HEPHL1: variants seen among roughly 807,000 people sequenced by gnomAD.
HEPHL1 encodes the protein hephaestin like 1.
HEPHL1 carries 123 observed loss-of-function variants against 122.0 expected under a neutral mutation model. The ratio of observed to expected loss-of-function variants is 1.01; its 90% CI spans 0.87 to 1.17. The LOEUF is 1.17. Among genes scored for constraint, HEPHL1 ranks in the 50% most tolerant of loss-of-function variants. The pLI is 0.00. For missense variants in HEPHL1, 1,452 were observed against 1,430.5 expected (o/e 1.01, Z -0.24); for synonymous variants, 527 against 508.9 (o/e 1.04, Z -0.48).
At chr11:94,053,633 A>G (rs542856162) in intron 2 of HEPHL1, among the ~76,000 whole-genome samples, 3 of 152,116 alleles carry the variant, frequency 2.0e-5, no homozygotes, top group African/African-American at 4.8e-5. Context: ...CCTGTATCTC[A>G]TAAATTTTGA....
At chr11:94,032,674 C>A (rs1338612927) in intron 1 of HEPHL1, among the ~76,000 whole-genome samples, 4 of 151,996 alleles carry the variant, frequency 2.6e-5, no homozygotes, top group African/African-American at 7.3e-5. Context: ...GTCAGGTAAC[C>A]ACCAGGTGAT....
chr11:94,058,552 G>A (rs1050779636), intron 2 of HEPHL1, among the ~76,000 whole-genome samples: 7 of 152,042 alleles, frequency 4.6e-5, no homozygotes, highest in Admixed American at 1.3e-4. Flanking sequence ...TTGAGCGGGT[G>A]GGGCTAACAT....
In HEPHL1 at chr11:94,066,012, G is replaced by A. The variant is rs1384580289; in HGVS notation, c.809-1484G>A. On this transcript the variant is annotated intron_variant, in intron 4 of 19. Coordinates refer to ENST00000315765, the MANE Select transcript of HEPHL1 (RefSeq NM_001098672.2). ...CAGCCTGGGCAACATAGGTAGATCC[G>A]TTATCTACAAAAAATTCAAACAAAC... is the stretch of plus-strand genomic sequence containing the variant. Among the ~76,000 whole-genome samples, 5 of 151,994 alleles carry A rather than the reference G, an allele frequency of 3.3e-5. No individual in the cohort carries two copies. In the East Asian group the frequency reaches 5.8e-4, roughly 18 times the overall value.
chr11:94,099,667 C>G (rs1317429077), intron 13 of HEPHL1, among the ~76,000 whole-genome samples: 1 of 152,134 alleles, frequency 6.6e-6, no homozygotes, highest in Non-Finnish European at 1.5e-5. Flanking sequence ...CCACCCAGTT[C>G]GAGCTTCCCA....
chr11:94,064,730 G>A (rs1383446908), intron 4 of HEPHL1, among the ~76,000 whole-genome samples: 1 of 152,194 alleles, frequency 6.6e-6, no homozygotes. Context: ...GGCATGCAGT[G>A]TGGACAAAGC....
rs189752483 is a variant in HEPHL1, at chr11:94,112,052, G to T, written c.*158G>T. 204 of 479,608 alleles carry T rather than the reference G, an allele frequency of 4.3e-4. No individual in the cohort carries two copies. The highest frequency in any genetic ancestry group is 7.1e-4 in the Admixed American group (22 of 31,196). 29.7% of individuals were successfully genotyped at this position (479,608 alleles called of 1,614,324 possible). ...TCTCAAACATCATCCAAAGCAATTTGCTTTTATTTATTTATTTTTAAATGG... is the reference window on the plus strand; with the variant it reads ...TCTCAAACATCATCCAAAGCAATTTTCTTTTATTTATTTATTTTTAAATGG... On this transcript the variant is annotated 3_prime_UTR_variant, in exon 20 of 20. Coordinates refer to ENST00000315765, the MANE Select transcript of HEPHL1 (RefSeq NM_001098672.2).
At chr11:94,053,595 C>A (rs1945909970) in intron 2 of HEPHL1, among the ~76,000 whole-genome samples, 1 of 151,876 alleles carries the variant, frequency 6.6e-6, no homozygotes, top group Non-Finnish European at 1.5e-5. Context: ...GACTTAAAAT[C>A]TAAATTTCCT....
At chr11:94,054,099 G>T (rs2134421046) in intron 2 of HEPHL1, among the ~76,000 whole-genome samples, 1 of 152,098 alleles carries the variant, frequency 6.6e-6, no homozygotes, top group East Asian at 1.9e-4. Flanking sequence ...TCTTTTTTTG[G>T]GGAAGGTCTG....
At position 94,073,350 on chromosome 11, in the gene HEPHL1, C is replaced by A; in HGVS notation, c.1415C>A (p.Thr472Asn). ...KAEVGDTLLV[T>N]FANKADKVYS... ...GAGGTGGGTGATACCCTGTTAGTGA[C>A]CTTTGCCAACAAAGCCGACAAGGTC... The change falls in exon 8 of 20, where the codon ACC becomes AAC. Residue 472 changes from threonine to asparagine, a missense_variant. Thr to Asn is a moderately conservative substitution (Grantham distance 65). Transcript: ENST00000315765. The A allele has an allele frequency of 6.2e-7, 1 of 1,604,134 alleles. No homozygotes were observed. Among genetic ancestry groups the A allele is most frequent in the Non-Finnish European group, 8.5e-7 (1 of 1,174,956 alleles).
At chr11:94,105,145 T>C (rs1946398715) in intron 16 of HEPHL1, among the ~76,000 whole-genome samples, 1 of 152,240 alleles carries the variant, frequency 6.6e-6, no homozygotes, top group African/African-American at 2.4e-5. Context: ...AAATTTCTGT[T>C]TTAATGTATC....
At chr11:94,086,770 C>T (rs1946221896) in intron 11 of HEPHL1, among the ~76,000 whole-genome samples, 1 of 152,192 alleles carries the variant, frequency 6.6e-6, no homozygotes, top group Admixed American at 6.5e-5. Context: ...AACTTCTTCT[C>T]TTAGAGATTC....
chr11:94,099,522 C>T (rs914673500), intron 13 of HEPHL1, among the ~76,000 whole-genome samples: 1 of 152,144 alleles, frequency 6.6e-6, no homozygotes, highest in Non-Finnish European at 1.5e-5. Flanking sequence ...CTGGGAGAAC[C>T]ACTACTCTCT....
At position 94,046,180 on chromosome 11, in the gene HEPHL1, C is replaced by T. The variant is rs527858580; in HGVS notation, c.415+263C>T. Reference sequence around the variant, plus strand: ...CATGATATCAGCTCACTGCAACCTCCGTCTCCCTGGTTCAGGATATTCTCC... The same window carrying T: ...CATGATATCAGCTCACTGCAACCTCTGTCTCCCTGGTTCAGGATATTCTCC... On this transcript the variant is annotated intron_variant, in intron 2 of 19. Transcript: ENST00000315765. Among the ~76,000 whole-genome samples, 244 of 139,684 alleles carry T rather than the reference C, an allele frequency of 1.7e-3. 1 individual carries two copies. The highest frequency in any genetic ancestry group is 3.8e-3 in the Middle Eastern group (1 of 264). The allele number at this position is 139,684 out of a possible 152,430, so 91.6% of individuals were successfully genotyped here. A position where few individuals can be genotyped will look rare whatever the true frequency, so the allele number is the denominator to read the frequency against.
intron 14 of HEPHL1, among the ~76,000 whole-genome samples, chr11:94,101,815 C>A (rs1305312750): frequency 2.0e-5 from 3 of 152,180 alleles, no homozygotes; most frequent in Admixed American, 6.5e-5. Flanking sequence ...GTCTCCATAG[C>A]TGTTCTTACA....
rs1355809880 is a variant in HEPHL1, at chr11:94,088,975, C to T, written c.2294+7C>T. The T allele has an allele frequency of 1.2e-6, 2 of 1,613,410 alleles. No individual in the cohort carries two copies. Among genetic ancestry groups the T allele is most frequent in the Admixed American group, 3.3e-5 (2 of 60,016 alleles). On this transcript the variant is annotated splice_region_variant and intron_variant, in intron 12 of 19. Coordinates refer to ENST00000315765, the MANE Select transcript of HEPHL1 (RefSeq NM_001098672.2). Reference sequence around the variant, plus strand: ...TGGACGCAAGAGGGGAAAGGTACCACAGGCGCCGCCGCTAGGGCTCCTCGG... The same window carrying T: ...TGGACGCAAGAGGGGAAAGGTACCATAGGCGCCGCCGCTAGGGCTCCTCGG...
intron 2 of HEPHL1, among the ~76,000 whole-genome samples, chr11:94,057,231 T>C (rs190582565): frequency 1.1e-4 from 17 of 152,294 alleles, no homozygotes; most frequent in Non-Finnish European, 1.9e-4. Flanking sequence ...ATGTATCTAT[T>C]TGTGGACCTC....
chr11:94,073,508 T>G (rs1213061358), intron 8 of HEPHL1, 69 bp downstream of exon 8: 6 of 1,465,612 alleles, frequency 4.1e-6, no homozygotes, highest in Non-Finnish European at 5.6e-6. Flanking sequence ...TAAACAGTCC[T>G]GGTTCAAATC....
intron 1 of HEPHL1, among the ~76,000 whole-genome samples, chr11:94,031,377 A>G (rs931025565): frequency 1.6e-4 from 24 of 149,036 alleles, no homozygotes; most frequent in Non-Finnish European, 9.0e-5. Context: ...CACAAATGGG[A>G]TAATACTTTA....
At chr11:94,099,824 A>G (rs952886412) in intron 13 of HEPHL1, among the ~76,000 whole-genome samples, 1 of 152,204 alleles carries the variant, frequency 6.6e-6, no homozygotes, top group African/African-American at 2.4e-5. Context: ...GGCACCGGCT[A>G]TAATCTCCTG....
Sources: gnomAD v4.1 joint callset for allele counts (sites outside exome capture counted in the v4.1 genomes callset) on GRCh38, gnomAD v4.1.1 for gene constraint, MANE v1.5 for transcripts, NCBI Gene and HGNC (gene_info 2026-07-23, HGNC 2026-07-21) for gene names.